The following MGAM variants were observed in gnomAD, a reference collection of about 807,000 sequenced individuals.
The protein encoded by MGAM is alpha-1,4-glucosidase.
In MGAM, 253 loss-of-function variants were observed where a neutral mutation model predicts 358.8. The ratio of observed to expected loss-of-function variants is 0.71; its 90% CI spans 0.64 to 0.78. The LOEUF (loss-of-function observed/expected upper bound fraction) is 0.78, where lower values mean the gene tolerates loss of function less well. Ranked by LOEUF, MGAM falls within the 30% of genes least tolerant of loss-of-function variation. MGAM has a pLI of 0.00. For missense variants in MGAM, 3,080 were observed against 3,432.6 expected (o/e 0.90, Z 2.57); for synonymous variants, 1,105 against 1,227.1 (o/e 0.90, Z 2.08).
chr7:142,045,867 T>C (rs1810280510), intron 21 of MGAM, among the ~76,000 whole-genome samples: 1 of 119,322 alleles, frequency 8.4e-6, no homozygotes, highest in East Asian at 2.3e-4. Context: ...ATATTATATA[T>C]ACATACAATA....
chr7:142,070,594 A>G (rs1014769330), intron 43 of MGAM, among the ~76,000 whole-genome samples: 2 of 145,610 alleles, frequency 1.4e-5, no homozygotes, highest in Admixed American at 6.9e-5. Flanking sequence ...CTAAATATCA[A>G]AAGGCACAGG....
Position 142,047,955 on chromosome 7 carries a change from T to G in MGAM, c.2587+82T>G, listed in dbSNP as rs189603057. 1,432 of 1,121,212 alleles carry G rather than the reference T, an allele frequency of 1.3e-3. 16 individuals carry two copies. The African/African-American group carries it at 0.019, about 15-fold the overall frequency. 69.5% of individuals were successfully genotyped at this position (1,121,212 alleles called of 1,614,324 possible). On this transcript the variant is annotated intron_variant, in intron 22 of 70. Coordinates refer to ENST00000475668, the MANE Select transcript of MGAM (RefSeq NM_001365693.1). Reference sequence around the variant, plus strand: ...CCTTCACTCCTGCTGGTCATTCAGCTGTGGGAGAAATCTCAGTAGGCACAG... The same window carrying G: ...CCTTCACTCCTGCTGGTCATTCAGCGGTGGGAGAAATCTCAGTAGGCACAG...
At chr7:142,046,186 T>C (rs1810395462) in intron 21 of MGAM, among the ~76,000 whole-genome samples, 1 of 147,796 alleles carries the variant, frequency 6.8e-6, no homozygotes, top group Non-Finnish European at 1.5e-5. Flanking sequence ...TGTTTTTTGC[T>C]CCTTAGATGA....
rs1366405244 is a variant in MGAM, at chr7:142,071,591, C to T, written c.5186+473C>T. Among the ~76,000 whole-genome samples, 4 of 146,538 alleles carry T rather than the reference C, an allele frequency of 2.7e-5. No individual in the cohort carries two copies. In the South Asian group the frequency reaches 8.7e-4, roughly 32 times the overall value. On this transcript the variant is annotated intron_variant, in intron 44 of 70. Transcript: ENST00000475668. ...AGAACTCTCCTCTCTTGAGATGCTTCTCAATTCTGGGTAAACCAGGTCAGT... is the reference window on the plus strand; with the variant it reads ...AGAACTCTCCTCTCTTGAGATGCTTTTCAATTCTGGGTAAACCAGGTCAGT...
rs76716472 is a variant in MGAM at position 142,027,942 on chromosome 7, G to T, written c.1221+207G>T. 7.1e-3 allele frequency among the ~76,000 whole-genome samples: 1,086 copies of T among 152,076 alleles called. 28 individuals are homozygous for T. The highest frequency in any genetic ancestry group is 0.055 in the East Asian group (282 of 5,172). On this transcript the variant is annotated intron_variant, in intron 10 of 70. Coordinates refer to ENST00000475668, the MANE Select transcript of MGAM (RefSeq NM_001365693.1). ...CCATTGTTCTTTATAGTATGAAATA[G>T]ATTGGGAGACCATAATTATGTGTTG...
At chr7:142,031,875 A>G (rs1419894783) in intron 13 of MGAM, 82 bp downstream of exon 13, 7 of 930,866 alleles carry the variant, frequency 7.5e-6, no homozygotes, top group African/African-American at 4.9e-5. Flanking sequence ...GTCACAGAGC[A>G]TAGGGAGAGG....
At position 142,068,700 on chromosome 7, in the gene MGAM, C is replaced by T; in HGVS notation, c.5058C>T (p.Tyr1686=). Residue 1686 remains tyrosine (Y), a synonymous_variant, in exon 43 of 71, where the codon TAC becomes TAT. Transcript: ENST00000475668. ...CTAGAGCCCGTTGGTACGATTACTACACGGTAAGTTTTTCTGAATGTTTAT... is the reference window on the plus strand; with the variant it reads ...CTAGAGCCCGTTGGTACGATTACTATACGGTAAGTTTTTCTGAATGTTTAT... The part of the protein sequence containing the change: ...YFPRARWYDY[Y]TGVDINARGE... 6.6e-7 allele frequency: 1 copy of T among 1,521,984 alleles called. No homozygotes were observed. The highest frequency in any genetic ancestry group is 9.1e-7 in the Non-Finnish European group (1 of 1,103,990). The allele number at this position is 1,521,984 out of a possible 1,614,324, so 94.3% of individuals were successfully genotyped here.
upstream of MGAM, among the ~76,000 whole-genome samples, chr7:141,992,743 A>G (rs554092198): frequency 3.1e-4 from 47 of 152,114 alleles, no homozygotes; most frequent in Non-Finnish European, 5.9e-4. Context: ...CACCACACTC[A>G]GCTGATTTTT....
intron 19 of MGAM, 55 bp downstream of exon 19, chr7:142,038,670 T>A: frequency 7.8e-7 from 1 of 1,285,708 alleles, no homozygotes; most frequent in Non-Finnish European, 1.1e-6. Flanking sequence ...TCTGCTGCCC[T>A]GCAAACTCCT....
At chr7:141,999,014 T>C (rs1377022720) in intron 1 of MGAM, among the ~76,000 whole-genome samples, 2 of 152,204 alleles carry the variant, frequency 1.3e-5, no homozygotes, top group East Asian at 3.9e-4. Flanking sequence ...TTACACAGTA[T>C]AACCCAGTGT....
intron 49 of MGAM, 147 bp from the exon 50 acceptor site, chr7:142,080,644 A>C: frequency 1.4e-6 from 1 of 714,906 alleles, no homozygotes; most frequent in Non-Finnish European, 2.2e-6. Context: ...TTGTTATTTG[A>C]TGTGTTAATT....
Position 142,078,429 on chromosome 7 carries a change from G to T in MGAM, c.5605G>T (p.Asp1869Tyr), listed in dbSNP as rs754320094. ...AGACTGTTACCCTGATGAGAATGGT[G>T]ATTCTGCAGAAAACTGCACTGCCCG... ...KIDCYPDENGDSAENCTARGC... is the reference protein window; with the variant it reads ...KIDCYPDENGYSAENCTARGC... The change falls in exon 48 of 71, where the codon GAT becomes TAT. Residue 1869 changes from aspartate to tyrosine, a missense_variant. Physicochemically the swap from Asp to Tyr is radical, Grantham distance 160. Transcript: ENST00000475668. The T allele has an allele frequency of 1.5e-5, 23 of 1,544,168 alleles. 2 individuals carry two copies. Among genetic ancestry groups the T allele is most frequent in the Non-Finnish European group, 2.0e-5 (23 of 1,126,072 alleles).
chr7:142,006,610 G>A (rs1190779015), intron 2 of MGAM, among the ~76,000 whole-genome samples: 1 of 152,142 alleles, frequency 6.6e-6, no homozygotes, highest in Non-Finnish European at 1.5e-5. Context: ...TACTGGTAAA[G>A]CCATGTTCCA....
At chr7:142,003,994 A>G (rs1157965861) in intron 1 of MGAM, among the ~76,000 whole-genome samples, 1 of 152,028 alleles carries the variant, frequency 6.6e-6, no homozygotes, top group African/African-American at 2.4e-5. Flanking sequence ...AAATGAGATG[A>G]TATCTTACAC....
intron 28 of MGAM, 78 bp downstream of exon 28, chr7:142,055,804 A>G: frequency 6.3e-7 from 1 of 1,590,000 alleles, no homozygotes. Context: ...TCATCTTCCC[A>G]AACTCCACTT....
chr7:142,053,332 G>C (rs1260848540), intron 26 of MGAM, among the ~76,000 whole-genome samples: 1 of 151,990 alleles, frequency 6.6e-6, no homozygotes, highest in Non-Finnish European at 1.5e-5. Context: ...TGAGAAAGTT[G>C]GGTTACAGGA....
Position 142,036,418 on chromosome 7 carries a change from G to A in MGAM, c.2076+133G>A, listed in dbSNP as rs1808002771. 7.1e-6 allele frequency: 5 copies of A among 703,854 alleles called. No homozygotes were observed. In the South Asian group the frequency reaches 9.0e-5, roughly 13 times the overall value. 43.6% of individuals were successfully genotyped at this position (703,854 alleles called of 1,614,324 possible). ...CACTTACTCTAATTTGCACTATCAT[G>A]TGCAATTAACCAGAATCTGTGCTGT... On this transcript the variant is annotated intron_variant, in intron 17 of 70. Transcript: ENST00000475668.
At chr7:142,055,776 C>T in intron 28 of MGAM, 50 bp downstream of exon 28, 1 of 1,606,664 alleles carries the variant, frequency 6.2e-7, no homozygotes, top group East Asian at 2.2e-5. Flanking sequence ...TCCACCCACA[C>T]TGCTCAGGCT....
At chr7:142,010,322 C>T (rs1418927749) in intron 3 of MGAM, among the ~76,000 whole-genome samples, 1 of 152,030 alleles carries the variant, frequency 6.6e-6, no homozygotes, top group Non-Finnish European at 1.5e-5. Context: ...TGAATTCCTT[C>T]CTATCATATC....
Sources: allele counts gnomAD v4.1 joint callset (sites outside exome capture counted in the v4.1 genomes callset), GRCh38; gene constraint gnomAD v4.1.1; transcripts MANE v1.5; gene names NCBI Gene and HGNC (gene_info 2026-07-23, HGNC 2026-07-21).